AMH: variants seen among roughly 807,000 people sequenced by gnomAD.
The protein encoded by AMH is anti-Muellerian hormone.
Under a neutral mutation model 33.3 loss-of-function variants are expected in AMH, and 39 were observed. The observed-to-expected ratio is 1.17, with a 90% CI of 0.91 to 1.53. The LOEUF (loss-of-function observed/expected upper bound fraction) is 1.53. Ranked by LOEUF, AMH falls within the 40% of genes most tolerant of loss-of-function variation. The probability of loss-of-function intolerance (pLI) is 0.00; values close to 1 mark genes in which losing one functional copy is unlikely to be tolerated. For missense variants in AMH, 1,019 were observed against 799.8 expected (o/e 1.27, Z -3.30); for synonymous variants, 536 against 403.0 (o/e 1.33, Z -3.95).
Position 2,251,464 on chromosome 19 carries a change from C to T in AMH, c.1190C>T (p.Pro397Leu), listed in dbSNP as rs1217173519. The T allele has an allele frequency of 2.1e-6, 3 of 1,419,346 alleles. No individual in the cohort carries two copies. The highest frequency in any genetic ancestry group is 1.5e-5 in the African/African-American group (1 of 66,556). 87.9% of individuals were successfully genotyped at this position (1,419,346 alleles called of 1,614,324 possible). Residue 397 changes from proline to leucine, a missense_variant, in exon 5 of 5, where the codon CCT becomes CTT. Pro to Leu is a moderately conservative substitution (Grantham distance 98, BLOSUM62 -3). Transcript: ENST00000221496. ...AAELRSLPGL[P>L]PATAPLLARL... The stretch of plus-strand genomic sequence containing the variant: ...GAGCTGCGAAGCCTCCCGGGTCTGC[C>T]TCCGGCCACAGCCCCGCTGCTGGCG...
Position 2,251,706 on chromosome 19 carries a change from C to G in AMH, c.1432C>G (p.Leu478Val). The G allele has an allele frequency of 1.2e-6, 2 of 1,611,694 alleles. No homozygotes were observed. Among genetic ancestry groups the G allele is most frequent in the Non-Finnish European group, 1.7e-6 (2 of 1,179,536 alleles). ...SVDLRAERSV[L>V]IPETYQANNC... ...AGACCTCCGCGCCGAGCGCTCCGTA[C>G]TCATCCCCGAGACCTACCAGGCCAA... is the stretch of plus-strand genomic sequence containing the variant. The change falls in exon 5 of 5, where the codon CTC (leucine) becomes GTC (valine). Residue 478 changes from leucine to valine, a missense_variant. Transcript: ENST00000221496.
rs373233222 is a variant in AMH at position 2,249,603 on chromosome 19, C to T, written c.271C>T (p.Arg91Cys). The T allele has an allele frequency of 9.2e-5, 143 of 1,548,636 alleles. No individual in the cohort carries two copies. Among genetic ancestry groups the T allele is most frequent in the African/African-American group, 7.5e-4 (55 of 73,282 alleles). Reference sequence around the variant, plus strand: ...CTTCCTGGGGGCCGTGCAGAGGGCCCGCTGGGGCCCCCGAGACCTGGCCAC... The same window carrying T: ...CTTCCTGGGGGCCGTGCAGAGGGCCTGCTGGGGCCCCCGAGACCTGGCCAC... The part of the protein sequence containing the change: ...QAFLGAVQRA[R>C]WGPRDLATFG... The change falls in exon 1 of 5, where the codon CGC becomes TGC. Residue 91 changes from arginine to cysteine, a missense_variant. By Grantham distance (180) the Arg-to-Cys change is radical. Transcript: ENST00000221496.
rs1159258951 is a variant in AMH at position 2,251,448 on chromosome 19, A to G, written c.1174A>G (p.Ser392Gly). Residue 392 changes from serine (S) to glycine (G), a missense_variant, in exon 5 of 5, where the codon AGC (serine) becomes GGC (glycine). Transcript: ENST00000221496. The part of the protein sequence containing the change: ...ELQAAAAELR[S>G]LPGLPPATAP... Reference sequence around the variant, plus strand: ...GCAAGCGGCGGCTGCCGAGCTGCGAAGCCTCCCGGGTCTGCCTCCGGCCAC... The same window carrying G: ...GCAAGCGGCGGCTGCCGAGCTGCGAGGCCTCCCGGGTCTGCCTCCGGCCAC... 6.3e-6 allele frequency: 9 copies of G among 1,437,548 alleles called. No homozygotes were observed. The highest frequency in any genetic ancestry group is 8.2e-6 in the Non-Finnish European group (9 of 1,100,708). 89.0% of individuals were successfully genotyped at this position (1,437,548 alleles called of 1,614,324 possible). A position where few individuals can be genotyped will look rare whatever the true frequency, so the allele number is the denominator to read the frequency against.
intron 1 of AMH, 62 bp downstream of exon 1, chr19:2,249,806 C>T: frequency 7.0e-7 from 1 of 1,435,728 alleles, no homozygotes; most frequent in Non-Finnish European, 9.1e-7. Context: ...CCGGGTCCTC[C>T]TAGGGAAGAT....
At position 2,252,063 on chromosome 19, in the gene AMH, A is replaced by C; in HGVS notation, c.*106A>C. The C allele has an allele frequency of 2.0e-6, 3 of 1,472,656 alleles. No individual in the cohort carries two copies. The highest frequency in any genetic ancestry group is 2.7e-6 in the Non-Finnish European group (3 of 1,099,068). 91.2% of individuals were successfully genotyped at this position (1,472,656 alleles called of 1,614,324 possible). ...AAGCATCGCCCCAATAAAGACCAGC[A>C]AGCAACCGGCTGGGGTGTCCGTGCG... On this transcript the variant is annotated 3_prime_UTR_variant, in exon 5 of 5. Coordinates refer to ENST00000221496, the MANE Select transcript of AMH (RefSeq NM_000479.5).
rs749314924 is a variant in AMH at position 2,250,637 on chromosome 19, C to A, written c.556-15C>A. The A allele has an allele frequency of 5.9e-6, 9 of 1,538,242 alleles. No individual in the cohort carries two copies. The highest frequency in any genetic ancestry group is 1.4e-5 in the African/African-American group (1 of 72,980). Reference sequence around the variant, plus strand: ...TAAGCCTCCATCCAGCCGGGCTGAGCCCTGGTCTCCGCAGAGCCTCTGCCC... The same window carrying A: ...TAAGCCTCCATCCAGCCGGGCTGAGACCTGGTCTCCGCAGAGCCTCTGCCC... On this transcript the variant is annotated splice_polypyrimidine_tract_variant and intron_variant, in intron 2 of 4. Transcript: ENST00000221496.
At position 2,251,582 on chromosome 19, in the gene AMH, G is replaced by A. The variant is rs980632233; in HGVS notation, c.1308G>A (p.Val436=). The A allele has an allele frequency of 2.3e-6, 3 of 1,292,266 alleles. No homozygotes were observed. Among genetic ancestry groups the A allele is most frequent in the African/African-American group, 1.6e-5 (1 of 64,176 alleles). The allele number at this position is 1,292,266 out of a possible 1,614,324, so 80.0% of individuals were successfully genotyped here. A position where few individuals can be genotyped will look rare whatever the true frequency, so the allele number is the denominator to read the frequency against. Reference sequence around the variant, plus strand: ...TGAAGGCGCTGCAGGGCCTGCGCGTGGAGTGGCGCGGGCGGGATCCGCGCG... The same window carrying A: ...TGAAGGCGCTGCAGGGCCTGCGCGTAGAGTGGCGCGGGCGGGATCCGCGCG... ...LLLKALQGLR[V]EWRGRDPRGP... Residue 436 remains valine (V), a synonymous_variant, in exon 5 of 5, where the codon GTG becomes GTA. Transcript: ENST00000221496.
rs888899105 is a variant in AMH at position 2,251,640 on chromosome 19, A to G, written c.1366A>G (p.Thr456Ala). ...PGRAQRSAGA[T>A]AADGPCALRE... ...TCGGGCACAGCGCAGCGCGGGGGCC[A>G]CCGCCGCCGACGGGCCGTGCGCGCT... is the stretch of plus-strand genomic sequence containing the variant. The change falls in exon 5 of 5, where the codon ACC becomes GCC. Residue 456 changes from threonine (T) to alanine (A), a missense_variant. Transcript: ENST00000221496. 1.3e-6 allele frequency: 2 copies of G among 1,590,248 alleles called. No individual in the cohort carries two copies. The highest frequency in any genetic ancestry group is 1.4e-5 in the African/African-American group (1 of 72,614).
rs749314924 is a variant in AMH at position 2,250,637 on chromosome 19, C to T, written c.556-15C>T. The T allele has an allele frequency of 1.3e-6, 2 of 1,538,242 alleles. No individual in the cohort carries two copies. Among genetic ancestry groups the T allele is most frequent in the Non-Finnish European group, 8.7e-7 (1 of 1,146,570 alleles). On this transcript the variant is annotated splice_polypyrimidine_tract_variant and intron_variant, in intron 2 of 4. Coordinates refer to ENST00000221496, the MANE Select transcript of AMH (RefSeq NM_000479.5). ...TAAGCCTCCATCCAGCCGGGCTGAG[C>T]CCTGGTCTCCGCAGAGCCTCTGCCC...
Position 2,249,604 on chromosome 19 carries a change from G to A in AMH, c.272G>A (p.Arg91His), listed in dbSNP as rs534377664. The stretch of plus-strand genomic sequence containing the variant: ...TTCCTGGGGGCCGTGCAGAGGGCCC[G>A]CTGGGGCCCCCGAGACCTGGCCACC... ...QAFLGAVQRA[R>H]WGPRDLATFG... Residue 91 changes from arginine to histidine, a missense_variant, in exon 1 of 5, where the codon CGC becomes CAC. Coordinates refer to ENST00000221496, the MANE Select transcript of AMH (RefSeq NM_000479.5). 1.3e-5 allele frequency: 20 copies of A among 1,548,738 alleles called. No homozygotes were observed. Among genetic ancestry groups the A allele is most frequent in the South Asian group, 1.3e-4 (11 of 85,520 alleles).
In AMH at chr19:2,251,762, G is replaced by A. The variant is rs1446125638; in HGVS notation, c.1488G>A (p.Gln496=). Residue 496 remains glutamine, a synonymous_variant, in exon 5 of 5, where the codon CAG becomes CAA. Coordinates refer to ENST00000221496, the MANE Select transcript of AMH (RefSeq NM_000479.5). ...GCCAGGGCGTGTGCGGCTGGCCTCA[G>A]TCCGACCGCAACCCGCGCTACGGCA... ...NNCQGVCGWP[Q]SDRNPRYGNH... The A allele has an allele frequency of 1.9e-6, 3 of 1,611,376 alleles. No homozygotes were observed. Among genetic ancestry groups the A allele is most frequent in the African/African-American group, 1.3e-5 (1 of 75,024 alleles).
In AMH at chr19:2,250,348, C is replaced by A; in HGVS notation, c.424C>A (p.Pro142Thr). The change falls in exon 2 of 5, where the codon CCA becomes ACA. Residue 142 changes from proline to threonine, a missense_variant. Physicochemically the swap from Pro to Thr is conservative, Grantham distance 38 (BLOSUM62 -1). Transcript: ENST00000221496. The stretch of plus-strand genomic sequence containing the variant: ...TGTCCCGGCTGCAGTGACCTGGGAG[C>A]CAACACCCTCGCTGAGGTTCCAGGA... ...VLHLEEVTWE[P>T]TPSLRFQEPP... is the part of the protein sequence containing the mutation. 6.3e-7 allele frequency: 1 copy of A among 1,597,886 alleles called. No individual in the cohort carries two copies.
chr19:2,250,920 A>C lies in AMH; in HGVS notation c.736A>C (p.Thr246Pro). ...CGACCACCGCTGCTTCACACGGATG[A>C]CCCCGGCCCTGCTCCTGCTGCCGCG... Reference protein sequence around the residue: ...GDDHRCFTRMTPALLLLPRSE... With the variant: ...GDDHRCFTRMPPALLLLPRSE... Residue 246 changes from threonine to proline, a missense_variant, in exon 4 of 5, where the codon ACC becomes CCC. By Grantham distance (38) the Thr-to-Pro change is conservative. Transcript: ENST00000221496. The C allele has an allele frequency of 6.4e-7, 1 of 1,562,822 alleles. No individual in the cohort carries two copies.
At position 2,250,722 on chromosome 19, in the gene AMH, G is replaced by A; in HGVS notation, c.626G>A (p.Gly209Asp). The part of the protein sequence containing the change: ...AVDRPAGAWR[G>D]SGLALTLQPR... ...GACCGCCCTGCGGGGGCCTGGCGCG[G>A]CTCCGGGCTGGCCTTGACCCTGCAG... Residue 209 changes from glycine (G) to aspartate (D), a missense_variant, in exon 3 of 5, where the codon GGC (glycine) becomes GAC (aspartate). Transcript: ENST00000221496. 2 of 1,537,914 alleles carry A rather than the reference G, an allele frequency of 1.3e-6. No homozygotes were observed. The highest frequency in any genetic ancestry group is 8.7e-7 in the Non-Finnish European group (1 of 1,147,698).
rs1568395304 is a variant in AMH, at chr19:2,251,928, ATGG to A, written c.1658_1660del (p.Val553del). 1.9e-6 allele frequency: 3 copies of A among 1,554,368 alleles called. No individual in the cohort carries two copies. The highest frequency in any genetic ancestry group is 1.7e-6 in the Non-Finnish European group (2 of 1,158,554). On this transcript the variant is annotated inframe_deletion, in exon 5 of 5. Transcript: ENST00000221496. ...CATCAGCGCGCACCACGTGCCCAAC[ATGG>A]TGGCCACCGAGTGTGGCTGCCGGTG...
rs749423158 is a variant in AMH at position 2,251,779 on chromosome 19, G to T, written c.1505G>T (p.Arg502Leu). Reference sequence around the variant, plus strand: ...TGGCCTCAGTCCGACCGCAACCCGCGCTACGGCAACCACGTGGTGCTGCTG... The same window carrying T: ...TGGCCTCAGTCCGACCGCAACCCGCTCTACGGCAACCACGTGGTGCTGCTG... ...CGWPQSDRNPRYGNHVVLLLK... is the reference protein window; with the variant it reads ...CGWPQSDRNPLYGNHVVLLLK... The change falls in exon 5 of 5, where the codon CGC (arginine) becomes CTC (leucine). Residue 502 changes from arginine to leucine, a missense_variant. Transcript: ENST00000221496. The T allele has an allele frequency of 4.7e-5, 75 of 1,610,390 alleles. No homozygotes were observed. The highest frequency in any genetic ancestry group is 5.6e-5 in the Non-Finnish European group (66 of 1,179,524).
chr19:2,251,322 C>T lies in AMH; in HGVS notation c.1048C>T (p.Leu350=). The change falls in exon 5 of 5, where the codon CTG becomes TTG. Residue 350 remains leucine (L), a synonymous_variant. Coordinates refer to ENST00000221496, the MANE Select transcript of AMH (RefSeq NM_000479.5). ...LDGEEPLLLL[L]RPTAATTGDP... ...CGGCGAGGAGCCGCTGCTGCTGCTG[C>T]TGAGGCCCACTGCGGCCACCACCGG... 1 of 1,498,670 alleles carries T rather than the reference C, an allele frequency of 6.7e-7. No homozygotes were observed. Among genetic ancestry groups the T allele is most frequent in the Non-Finnish European group, 8.8e-7 (1 of 1,131,630 alleles). 92.8% of individuals were successfully genotyped at this position (1,498,670 alleles called of 1,614,324 possible).
rs1276425465 is a variant in AMH, at chr19:2,250,855, G to C, written c.671G>C (p.Arg224Pro). The change falls in exon 4 of 5, where the codon CGG becomes CCG. Residue 224 changes from arginine (R) to proline (P), a missense_variant. Arg to Pro is a moderately radical substitution (Grantham distance 103). Transcript: ENST00000221496. ...LTLQPRGEDS[R>P]LSTARLQALL... ...GCGTGCCCACCCACCGCAGACTCCC[G>C]GCTGAGTACCGCCCGGCTGCAGGCA... 2 of 1,568,692 alleles carry C rather than the reference G, an allele frequency of 1.3e-6. No homozygotes were observed. The highest frequency in any genetic ancestry group is 1.3e-5 in the African/African-American group (1 of 74,386).
In AMH at chr19:2,251,461, T is replaced by G. The variant is rs2025041812; in HGVS notation, c.1187T>G (p.Leu396Arg). ...GCCGAGCTGCGAAGCCTCCCGGGTC[T>G]GCCTCCGGCCACAGCCCCGCTGCTG... ...AAAELRSLPG[L>R]PPATAPLLAR... The change falls in exon 5 of 5, where the codon CTG becomes CGG. Residue 396 changes from leucine (L) to arginine (R), a missense_variant. By Grantham distance (102) the Leu-to-Arg change is moderately radical. Coordinates refer to ENST00000221496, the MANE Select transcript of AMH (RefSeq NM_000479.5). 3 of 1,423,616 alleles carry G rather than the reference T, an allele frequency of 2.1e-6. No individual in the cohort carries two copies. The highest frequency in any genetic ancestry group is 2.5e-4 in the Middle Eastern group (1 of 4,046). The allele number at this position is 1,423,616 out of a possible 1,614,324, so 88.2% of individuals were successfully genotyped here. A position where few individuals can be genotyped will look rare whatever the true frequency, so the allele number is the denominator to read the frequency against.
Sources: gnomAD v4.1 joint callset for allele counts on GRCh38, gnomAD v4.1.1 for gene constraint, MANE v1.5 for transcripts, NCBI Gene and HGNC (gene_info 2026-07-23, HGNC 2026-07-21) for gene names.